The following HTR2C variants were observed in gnomAD, a reference collection of about 807,000 sequenced individuals.
The protein encoded by HTR2C is 5-hydroxytryptamine (serotonin) receptor 2C, G protein-coupled.
In HTR2C, 5 loss-of-function variants were observed where a neutral mutation model predicts 21.0. The observed-to-expected ratio is 0.24, with a 90% CI of 0.12 to 0.50. HTR2C has a LOEUF of 0.50. HTR2C is among the 20% of genes least tolerant of loss of function. The probability of loss-of-function intolerance (pLI) is 0.98; values close to 1 mark genes in which losing one functional copy is unlikely to be tolerated. For synonymous variants in HTR2C, 150 were observed against 145.3 expected (o/e 1.03, Z -0.23); for missense variants, 271 against 371.2 (o/e 0.73, Z 2.22).
intron 5 of HTR2C, among the ~76,000 whole-genome samples, chrX:114,876,422 C>CT (rs60498146): frequency 0.03 from 1,868 of 62,312 alleles, 137 homozygotes; most frequent in African/African-American, 0.11. Flanking sequence ...CTTTTTCTTT[C>CT]TTTTTTTTTT....
chrX:114,851,082 T>C lies in HTR2C; in HGVS notation c.550+2879T>C, dbSNP rs782255427. ...TTGTATGTACATAATTATATGTAGA[T>C]ACATATGTAATATACATAGTATATA... On this transcript the variant is annotated intron_variant, in intron 5 of 5. Coordinates refer to ENST00000276198, the MANE Select transcript of HTR2C (RefSeq NM_000868.4). Among the ~76,000 whole-genome samples, 5 of 111,970 alleles carry C rather than the reference T, an allele frequency of 4.5e-5. No individual in the cohort carries two copies. The East Asian group carries it at 1.4e-3, about 32-fold the overall frequency.
intron 4 of HTR2C, among the ~76,000 whole-genome samples, chrX:114,746,625 G>A (rs1022925123): frequency 9.0e-6 from 1 of 110,538 alleles, no homozygotes; most frequent in Non-Finnish European, 1.9e-5. Flanking sequence ...AGGCTGAGGT[G>A]GGAGGATCAC....
At chrX:114,681,591 A>C (rs902304231) in intron 2 of HTR2C, among the ~76,000 whole-genome samples, 4 of 111,184 alleles carry the variant, frequency 3.6e-5, no homozygotes, top group African/African-American at 1.3e-4. Flanking sequence ...TCTAGCTCCA[A>C]AGAGATGAAA....
chrX:114,862,412 G>T (rs906913127), intron 5 of HTR2C, among the ~76,000 whole-genome samples: 2 of 110,297 alleles, frequency 1.8e-5, no homozygotes, highest in Non-Finnish European at 3.8e-5. Context: ...AAAAAAGGAA[G>T]TATGATGCCT....
chrX:114,704,742 A>G (rs1334675902), intron 2 of HTR2C, among the ~76,000 whole-genome samples: 2 of 110,521 alleles, frequency 1.8e-5, no homozygotes, highest in Non-Finnish European at 3.8e-5. Context: ...AAGGGTATTC[A>G]ATTAGGAAAA....
chrX:114,756,827 C>G (rs1602750182), intron 4 of HTR2C, among the ~76,000 whole-genome samples: 1 of 111,252 alleles, frequency 9.0e-6, no homozygotes, highest in East Asian at 2.8e-4. Flanking sequence ...ACCATTGCAG[C>G]AAACTGAGAA....
chrX:114,820,273 T>C (rs192238978), intron 4 of HTR2C, among the ~76,000 whole-genome samples: 151 of 109,993 alleles, frequency 1.4e-3, no homozygotes, highest in African/African-American at 4.8e-3. Flanking sequence ...ATGAAATGTT[T>C]TGATACAGGA....
At chrX:114,788,069 G>T (rs782102389) in intron 4 of HTR2C, among the ~76,000 whole-genome samples, 2 of 110,986 alleles carry the variant, frequency 1.8e-5, no homozygotes, top group South Asian at 7.6e-4. Context: ...TTAAAGTTCA[G>T]GGATAAGTCC....
chrX:114,858,242 T>C (rs1324502590), intron 5 of HTR2C, among the ~76,000 whole-genome samples: 1 of 110,788 alleles, frequency 9.0e-6, no homozygotes, highest in African/African-American at 3.3e-5. Flanking sequence ...AAACAAAATA[T>C]GCTATTGTTT....
At chrX:114,811,724 T>C (rs1322591835) in intron 4 of HTR2C, among the ~76,000 whole-genome samples, 6 of 112,144 alleles carry the variant, frequency 5.4e-5, no homozygotes, top group Non-Finnish European at 9.4e-5. Flanking sequence ...GAAAAGAAGA[T>C]AGGGGGCAAG....
At chrX:114,662,855 A>G (rs952086450) in intron 2 of HTR2C, among the ~76,000 whole-genome samples, 13 of 111,745 alleles carry the variant, frequency 1.2e-4, no homozygotes, top group African/African-American at 3.9e-4. Flanking sequence ...ATACAATAGT[A>G]TTGCCCTTGA....
At chrX:114,681,225 T>C (rs1415063082) in intron 2 of HTR2C, among the ~76,000 whole-genome samples, 5 of 111,612 alleles carry the variant, frequency 4.5e-5, no homozygotes, top group Non-Finnish European at 5.7e-5. Context: ...TTCCATTCCC[T>C]TAGTGGAAAT....
chrX:114,676,150 G>A (rs782468617), intron 2 of HTR2C, among the ~76,000 whole-genome samples: 1 of 111,540 alleles, frequency 9.0e-6, no homozygotes, highest in South Asian at 3.7e-4. Context: ...GATTACAGGT[G>A]TGAGCCACCG....
chrX:114,588,769 G>T (rs1433059085), intron 1 of HTR2C, among the ~76,000 whole-genome samples: 1 of 111,924 alleles, frequency 8.9e-6, no homozygotes, highest in East Asian at 2.8e-4. Context: ...TTCAATTATA[G>T]CTTCCTGTAA....
chrX:114,849,225 G>T (rs781784582), intron 5 of HTR2C, among the ~76,000 whole-genome samples: 33 of 112,152 alleles, frequency 2.9e-4, no homozygotes, highest in African/African-American at 9.7e-4. Context: ...CACAGATTTT[G>T]CCCTAGCCAT....
chrX:114,805,554 T>TAC (rs1376956970), intron 4 of HTR2C, among the ~76,000 whole-genome samples: 5 of 100,560 alleles, frequency 5.0e-5, no homozygotes, highest in Non-Finnish European at 8.0e-5. Flanking sequence ...TGTATATATA[T>TAC]ACACACCATA....
chrX:114,599,658 T>C lies in HTR2C; in HGVS notation c.-146-14157T>C, dbSNP rs1928005885. On this transcript the variant is annotated intron_variant, in intron 1 of 5. Transcript: ENST00000276198. ...ATAAAAAAAACATGCATTTCATAGA[T>C]TGAAATCTGCTTACCTCTGTGATTA... Among the ~76,000 whole-genome samples the C allele has an allele frequency of 3.6e-5, 4 of 112,147 alleles. No homozygotes were observed. In the South Asian group the frequency reaches 1.5e-3, roughly 41 times the overall value.
intron 1 of HTR2C, among the ~76,000 whole-genome samples, chrX:114,605,102 AT>A (rs1928347572): frequency 1.8e-5 from 2 of 111,285 alleles, no homozygotes; most frequent in South Asian, 7.4e-4. Flanking sequence ...ACTGGGCTGG[AT>A]TTTTATATTT....
chrX:114,733,416 TA>T (rs1176961269), intron 4 of HTR2C, among the ~76,000 whole-genome samples: 2 of 105,469 alleles, frequency 1.9e-5, no homozygotes, highest in Non-Finnish European at 3.9e-5. Context: ...TAAAAAAATT[TA>T]AAAAAAAAAC....
Sources: allele counts gnomAD v4.1 joint callset (sites outside exome capture counted in the v4.1 genomes callset), GRCh38; gene constraint gnomAD v4.1.1; transcripts MANE v1.5; gene names NCBI Gene and HGNC (gene_info 2026-07-23, HGNC 2026-07-21).